CRIM1: variants seen among roughly 807,000 people sequenced by gnomAD.
CRIM1 encodes cysteine rich transmembrane BMP regulator 1, also known as cysteine-rich motor neuron 1 protein.
A neutral mutation model predicts 116.4 loss-of-function variants in CRIM1; 32 were observed. The ratio of observed to expected loss-of-function variants is 0.27; its 90% CI spans 0.21 to 0.37. CRIM1 has a LOEUF of 0.37. CRIM1 is among the 10% of genes least tolerant of loss of function. The probability of loss-of-function intolerance (pLI) is 1.00; values close to 1 mark genes in which losing one functional copy is unlikely to be tolerated. For synonymous variants in CRIM1, 590 were observed against 509.2 expected (o/e 1.16, Z -2.13); for missense variants, 1,331 against 1,354.8 (o/e 0.98, Z 0.28).
intron 1 of CRIM1, among the ~76,000 whole-genome samples, chr2:36,365,105 A>G (rs975417325): frequency 4.6e-5 from 7 of 152,110 alleles, no homozygotes; most frequent in Non-Finnish European, 8.8e-5. Context: ...TACCGAGAAC[A>G]GGGGGCTGGG....
chr2:36,472,420 T>C (rs190676836), intron 5 of CRIM1, among the ~76,000 whole-genome samples: 25 of 152,306 alleles, frequency 1.6e-4, no homozygotes, highest in Non-Finnish European at 3.1e-4. Flanking sequence ...CCCTTAAAGA[T>C]TGATTGTGTT....
chr2:36,528,270 G>A (rs2125144120), intron 13 of CRIM1, among the ~76,000 whole-genome samples: 1 of 152,220 alleles, frequency 6.6e-6, no homozygotes, highest in Admixed American at 6.5e-5. Context: ...AGCTTTTCGA[G>A]GCCGAGAATA....
At chr2:36,475,318 T>G (rs565920990) in intron 5 of CRIM1, among the ~76,000 whole-genome samples, 1 of 152,282 alleles carries the variant, frequency 6.6e-6, no homozygotes, top group Non-Finnish European at 1.5e-5. Context: ...GTTATTACAT[T>G]TATTCCTAAG....
intron 5 of CRIM1, among the ~76,000 whole-genome samples, chr2:36,469,799 A>T (rs1479292921): frequency 6.6e-6 from 1 of 152,182 alleles, no homozygotes; most frequent in Non-Finnish European, 1.5e-5. Flanking sequence ...GTATGTGTTT[A>T]TTGAGCACCC....
At chr2:36,408,473 G>T (rs1189245074) in intron 2 of CRIM1, among the ~76,000 whole-genome samples, 3 of 152,208 alleles carry the variant, frequency 2.0e-5, no homozygotes, top group Admixed American at 1.3e-4. Context: ...ACATGAGAAA[G>T]GATCTGGAAT....
intron 4 of CRIM1, among the ~76,000 whole-genome samples, chr2:36,448,113 A>G (rs1676391223): frequency 6.6e-6 from 1 of 152,236 alleles, no homozygotes; most frequent in African/African-American, 2.4e-5. Flanking sequence ...CCTAGGTTAA[A>G]CTAGGTTTTC....
chr2:36,405,190 C>T (rs1355444866), intron 2 of CRIM1, among the ~76,000 whole-genome samples: 2 of 151,886 alleles, frequency 1.3e-5, no homozygotes, highest in East Asian at 1.9e-4. Context: ...TTTTTATGTG[C>T]GTGGGAGAAA....
chr2:36,469,616 A>G (rs527936610), intron 5 of CRIM1, among the ~76,000 whole-genome samples: 4 of 152,332 alleles, frequency 2.6e-5, no homozygotes, highest in Non-Finnish European at 5.9e-5. Context: ...ATTTTGGCCT[A>G]GAAAATTCAG....
chr2:36,548,390 A>C, intron 16 of CRIM1, 135 bp from the exon 17 acceptor site: 1 of 532,130 alleles, frequency 1.9e-6, no homozygotes, highest in Non-Finnish European at 3.2e-6. Context: ...AAGATGTGAT[A>C]ATCTGCATAC....
At chr2:36,457,676 A>G (rs1385843721) in intron 4 of CRIM1, among the ~76,000 whole-genome samples, 1 of 152,082 alleles carries the variant, frequency 6.6e-6, no homozygotes, top group African/African-American at 2.4e-5. Flanking sequence ...TTTCATAGGG[A>G]GGAGTGCTGT....
At chr2:36,516,335 C>A (rs559538685) in intron 11 of CRIM1, among the ~76,000 whole-genome samples, 20 of 152,276 alleles carry the variant, frequency 1.3e-4, no homozygotes, top group African/African-American at 4.8e-4. Flanking sequence ...GACTCTTTCT[C>A]GGCGGGATTC....
chr2:36,480,728 C>G (rs757768081), intron 7 of CRIM1, among the ~76,000 whole-genome samples: 8 of 152,090 alleles, frequency 5.3e-5, no homozygotes, highest in Non-Finnish European at 1.0e-4. Context: ...AGCTTGAGGC[C>G]TCTCTTTCTG....
At chr2:36,460,090 A>G (rs1419006803) in intron 4 of CRIM1, among the ~76,000 whole-genome samples, 2 of 151,766 alleles carry the variant, frequency 1.3e-5, no homozygotes, top group Admixed American at 6.6e-5. Context: ...GCTTGAATCC[A>G]TTACCTACTT....
rs1361511025 is a variant in CRIM1, at chr2:36,489,506, GGT to G, written c.1373-9708_1373-9707del. ...TTTATGTTAGACGAATTCCACAGGGGGTGTGTCCCATAGTCCTGTGACAGAGA... is the reference window on the plus strand; with the variant it reads ...TTTATGTTAGACGAATTCCACAGGGGGTGTCCCATAGTCCTGTGACAGAGA... On this transcript the variant is annotated intron_variant, in intron 7 of 16. Transcript: ENST00000280527. 7.9e-5 allele frequency among the ~76,000 whole-genome samples: 12 copies of G among 152,164 alleles called. No homozygotes were observed. In the East Asian group the frequency reaches 2.3e-3, roughly 29 times the overall value.
chr2:36,401,450 T>G (rs1281151931), intron 2 of CRIM1, among the ~76,000 whole-genome samples: 1 of 152,202 alleles, frequency 6.6e-6, no homozygotes, highest in Non-Finnish European at 1.5e-5. Flanking sequence ...GCCTTACTAC[T>G]TATTCATCAG....
At chr2:36,496,614 GC>G (rs1680612562) in intron 7 of CRIM1, among the ~76,000 whole-genome samples, 1 of 152,110 alleles carries the variant, frequency 6.6e-6, no homozygotes. Context: ...ATACTGAACG[GC>G]CCTTTATGCA....
intron 1 of CRIM1, among the ~76,000 whole-genome samples, chr2:36,367,599 C>T (rs1036615020): frequency 6.6e-6 from 1 of 152,056 alleles, no homozygotes; most frequent in Non-Finnish European, 1.5e-5. Context: ...CTTTTATGAC[C>T]TAGAAGTGAT....
At chr2:36,442,474 G>A (rs967893912) in intron 3 of CRIM1, 141 bp from the exon 4 acceptor site, 6 of 896,180 alleles carry the variant, frequency 6.7e-6, no homozygotes, top group African/African-American at 6.7e-5. Context: ...AGCATTAACT[G>A]GAGTAACATG....
At chr2:36,375,824 C>T (rs1038945560) in intron 1 of CRIM1, among the ~76,000 whole-genome samples, 35 of 152,126 alleles carry the variant, frequency 2.3e-4, no homozygotes, top group African/African-American at 8.4e-4. Context: ...GAAATCACAG[C>T]AAATTTAACA....
Sources: allele counts gnomAD v4.1 joint callset (sites outside exome capture counted in the v4.1 genomes callset), GRCh38; gene constraint gnomAD v4.1.1; transcripts MANE v1.5; gene names NCBI Gene and HGNC (gene_info 2026-07-23, HGNC 2026-07-21).